BCO1: variants seen among roughly 807,000 people sequenced by gnomAD.
BCO1 encodes beta,beta-carotene 15,15'-dioxygenase.
A neutral mutation model predicts 56.3 loss-of-function variants in BCO1; 54 were observed. The observed-to-expected ratio is 0.96, with a 90% CI of 0.77 to 1.20. The LOEUF (loss-of-function observed/expected upper bound fraction) is 1.20. Ranked by LOEUF, BCO1 falls within the 50% of genes most tolerant of loss-of-function variation. The pLI is 0.00. For synonymous variants in BCO1, 318 were observed against 266.1 expected (o/e 1.20, Z -1.90); for missense variants, 801 against 690.9 (o/e 1.16, Z -1.79).
intron 7 of BCO1, 106 bp downstream of exon 7, chr16:81,270,522 TCTTG>T: frequency 6.9e-7 from 1 of 1,457,284 alleles, no homozygotes; most frequent in Admixed American, 2.1e-5. Flanking sequence ...AATGAACTGT[TCTTG>T]AAAAAAAAAA....
intron 10 of BCO1, among the ~76,000 whole-genome samples, chr16:81,289,874 G>A (rs549864436): frequency 2.6e-5 from 4 of 152,160 alleles, no homozygotes; most frequent in Non-Finnish European, 4.4e-5. Context: ...TTGTTTGTTC[G>A]TTTGTTTTGA....
intron 2 of BCO1, among the ~76,000 whole-genome samples, chr16:81,254,903 C>A (rs1906033488): frequency 6.6e-6 from 1 of 152,028 alleles, no homozygotes; most frequent in Admixed American, 6.5e-5. Flanking sequence ...CTCAAGTGAT[C>A]CTCCCGCCTC....
rs1908124108 is a variant in BCO1 at position 81,285,463 on chromosome 16, AC to A, written c.1208-74del. ...TGGAAACGGATTCTGAGGAAAGGCT[AC>A]CCAATCTGACAGGAAGGGTGGATGC... On this transcript the variant is annotated intron_variant, in intron 8 of 10. Coordinates refer to ENST00000258168, the MANE Select transcript of BCO1 (RefSeq NM_017429.3). The A allele has an allele frequency of 4.7e-6, 5 of 1,064,960 alleles. No homozygotes were observed. In the Admixed American group the frequency reaches 6.8e-5, roughly 15 times the overall value. The allele number at this position is 1,064,960 out of a possible 1,614,324, so 66.0% of individuals were successfully genotyped here.
Position 81,259,816 on chromosome 16 carries a change from A to G in BCO1, c.323+11A>G, listed in dbSNP as rs1047557404. On this transcript the variant is annotated intron_variant, in intron 3 of 10. Coordinates refer to ENST00000258168, the MANE Select transcript of BCO1 (RefSeq NM_017429.3). The stretch of plus-strand genomic sequence containing the variant: ...AAACATATTTTCCAAGTAACTGCCT[A>G]TTTTAAATCTGAGCAAATTTCATGC... 35 of 1,614,058 alleles carry G rather than the reference A, an allele frequency of 2.2e-5. No homozygotes were observed. Among genetic ancestry groups the G allele is most frequent in the Non-Finnish European group, 2.7e-5 (32 of 1,180,002 alleles).
At chr16:81,249,092 C>CTATT (rs1555553902) in intron 2 of BCO1, among the ~76,000 whole-genome samples, 1 of 133,466 alleles carries the variant, frequency 7.5e-6, no homozygotes, top group Non-Finnish European at 1.6e-5. Flanking sequence ...CTCTTTCTTT[C>CTATT]TTTTTTTTTT....
At chr16:81,246,879 G>C (rs996869282) in intron 2 of BCO1, among the ~76,000 whole-genome samples, 10 of 116,742 alleles carry the variant, frequency 8.6e-5, no homozygotes, top group East Asian at 5.7e-4. Context: ...GAAGAGTACA[G>C]AGCTGGAAAG....
Position 81,291,034 on chromosome 16 carries a change from C to T in BCO1, c.*457C>T, listed in dbSNP as rs1908430912. The T allele has an allele frequency of 1.2e-5, 2 of 163,606 alleles. No individual in the cohort carries two copies. Among genetic ancestry groups the T allele is most frequent in the South Asian group, 3.4e-4 (2 of 5,970 alleles). The allele number at this position is 163,606 out of a possible 1,614,324, so 10.1% of individuals were successfully genotyped here. A position where few individuals can be genotyped will look rare whatever the true frequency, so the allele number is the denominator to read the frequency against. ...TTGTGTATCTGGGAGTTCTCACTTTCTAGCCAGGCCTGATGAGTTAAGTTA... is the reference window on the plus strand; with the variant it reads ...TTGTGTATCTGGGAGTTCTCACTTTTTAGCCAGGCCTGATGAGTTAAGTTA... On this transcript the variant is annotated 3_prime_UTR_variant, in exon 11 of 11. Transcript: ENST00000258168.
chr16:81,274,303 G>T lies in BCO1; in HGVS notation c.1101+3887G>T, dbSNP rs573043047. Reference sequence around the variant, plus strand: ...TTTTGAGACAGAGTCTCGCTCTGTCGCCCAGGCTGGAGTGCAGTGGCGTGA... The same window carrying T: ...TTTTGAGACAGAGTCTCGCTCTGTCTCCCAGGCTGGAGTGCAGTGGCGTGA... On this transcript the variant is annotated intron_variant, in intron 7 of 10. Coordinates refer to ENST00000258168, the MANE Select transcript of BCO1 (RefSeq NM_017429.3). Among the ~76,000 whole-genome samples, 3 of 121,362 alleles carry T rather than the reference G, an allele frequency of 2.5e-5. No homozygotes were observed. In the East Asian group the frequency reaches 7.7e-4, roughly 31 times the overall value. 79.6% of individuals were successfully genotyped at this position (121,362 alleles called of 152,430 possible). A position where few individuals can be genotyped will look rare whatever the true frequency, so the allele number is the denominator to read the frequency against.
intron 2 of BCO1, among the ~76,000 whole-genome samples, chr16:81,251,558 TA>T (rs1210636046): frequency 2.0e-5 from 3 of 151,232 alleles, no homozygotes; most frequent in Non-Finnish European, 4.4e-5. Context: ...AGACTTCATC[TA>T]AAAAAAATTA....
intron 8 of BCO1, among the ~76,000 whole-genome samples, chr16:81,283,704 C>G (rs1289166346): frequency 2.6e-5 from 4 of 152,016 alleles, no homozygotes; most frequent in African/African-American, 9.7e-5. Context: ...ATACTTCATT[C>G]CCCTTCCCGC....
rs1908393483 is a variant in BCO1, at chr16:81,290,344, A to G, written c.1415-4A>G. On this transcript the variant is annotated splice_region_variant and splice_polypyrimidine_tract_variant and intron_variant, in intron 10 of 10. Transcript: ENST00000258168. ...CGAAGTGTTTTTTTTCTGTTTCCCT[A>G]AAGGAGTAATCTTATCAGCCATTGT... 6.2e-7 allele frequency: 1 copy of G among 1,610,960 alleles called. No individual in the cohort carries two copies.
At chr16:81,255,594 G>C (rs1382109812) in intron 2 of BCO1, among the ~76,000 whole-genome samples, 1 of 151,410 alleles carries the variant, frequency 6.6e-6, no homozygotes, top group East Asian at 1.9e-4. Flanking sequence ...CTGCCTCCTG[G>C]GTTCGAGCGA....
chr16:81,262,525 T>C (rs1906552939), intron 4 of BCO1: 1 of 500,492 alleles, frequency 2.0e-6, no homozygotes, highest in African/African-American at 1.9e-5. Context: ...ACAAAAAAGA[T>C]TGCTTTAAAC....
chr16:81,263,174 G>C (rs192000932), intron 4 of BCO1: 2 of 149,298 alleles, frequency 1.3e-5, no homozygotes, highest in Non-Finnish European at 3.0e-5. Context: ...GCAGTGGTGC[G>C]ATCTCAGCTC....
chr16:81,244,691 T>A (rs1333681031), intron 1 of BCO1, among the ~76,000 whole-genome samples: 2 of 151,714 alleles, frequency 1.3e-5, no homozygotes, highest in African/African-American at 4.8e-5. Flanking sequence ...AAGAACCTTT[T>A]TCTACGTCTG....
chr16:81,258,503 T>A (rs1308724901), intron 2 of BCO1, among the ~76,000 whole-genome samples: 3 of 152,172 alleles, frequency 2.0e-5, no homozygotes, highest in Non-Finnish European at 2.9e-5. Context: ...GAGGCAGCGC[T>A]CCCAGGACTG....
intron 2 of BCO1, among the ~76,000 whole-genome samples, chr16:81,250,693 G>T (rs1340317954): frequency 6.7e-6 from 1 of 148,292 alleles, no homozygotes; most frequent in East Asian, 2.0e-4. Context: ...CGATTCTCGT[G>T]CCTCGGCCTC....
intron 3 of BCO1, 97 bp from the exon 4 acceptor site, chr16:81,262,039 C>A: frequency 2.7e-6 from 4 of 1,458,820 alleles, no homozygotes; most frequent in Non-Finnish European, 3.8e-6. Flanking sequence ...CGAAGTAAAG[C>A]ATTTTTAAGT....
intron 1 of BCO1, among the ~76,000 whole-genome samples, chr16:81,245,274 C>T (rs1001565097): frequency 2.0e-5 from 3 of 152,194 alleles, no homozygotes; most frequent in Non-Finnish European, 4.4e-5. Context: ...AGGACAGGGA[C>T]AGTGTCTCCA....
Sources: gnomAD v4.1 joint callset for allele counts (sites outside exome capture counted in the v4.1 genomes callset) on GRCh38, gnomAD v4.1.1 for gene constraint, MANE v1.5 for transcripts, NCBI Gene and HGNC (gene_info 2026-07-23, HGNC 2026-07-21) for gene names.